The following DMGDH variants were observed in gnomAD, a reference collection of about 807,000 sequenced individuals.
The protein encoded by DMGDH is dimethylglycine dehydrogenase, mitochondrial.
A neutral mutation model predicts 95.2 loss-of-function variants in DMGDH; 76 were observed. That is an observed-to-expected ratio of 0.80 (90% CI 0.66 to 0.97). The LOEUF (loss-of-function observed/expected upper bound fraction) is 0.97, where lower values mean the gene tolerates loss of function less well. Ranked by LOEUF, DMGDH falls within the 50% of genes least tolerant of loss-of-function variation. The pLI, the probability that DMGDH is intolerant of heterozygous loss-of-function variation, is 0.00. For synonymous variants in DMGDH, 345 were observed against 377.6 expected (o/e 0.91, Z 1.00); for missense variants, 987 against 1,055.0 (o/e 0.94, Z 0.89).
chr5:79,024,069 A>C (rs1358168169), intron 14 of DMGDH, among the ~76,000 whole-genome samples: 1 of 152,212 alleles, frequency 6.6e-6, no homozygotes, highest in Non-Finnish European at 1.5e-5. Flanking sequence ...GCTATCTTAA[A>C]TCTGTAAGCA....
intron 10 of DMGDH, 81 bp downstream of exon 10, chr5:79,030,752 T>G: frequency 2.1e-6 from 3 of 1,447,678 alleles, no homozygotes; most frequent in Non-Finnish European, 1.9e-6. Context: ...CAGAAATCAT[T>G]AGGTGAACTA....
At chr5:79,034,860 A>T (rs1410300394) in intron 7 of DMGDH, among the ~76,000 whole-genome samples, 1 of 151,938 alleles carries the variant, frequency 6.6e-6, no homozygotes, top group Non-Finnish European at 1.5e-5. Flanking sequence ...GATCGAGACC[A>T]TCTTGGCTAA....
intron 9 of DMGDH, 62 bp from the exon 10 acceptor site, chr5:79,031,060 A>G (rs1402818589): frequency 6.3e-7 from 1 of 1,579,578 alleles, no homozygotes; most frequent in Non-Finnish European, 8.7e-7. Flanking sequence ...ATTACAGAAT[A>G]CGATATTTTA....
rs369682083 is a variant in DMGDH at position 79,030,916 on chromosome 5, G to A, written c.1600C>T (p.Leu534=). 3.1e-5 allele frequency: 50 copies of A among 1,614,106 alleles called. No homozygotes were observed. Among genetic ancestry groups the A allele is most frequent in the Non-Finnish European group, 3.8e-5 (45 of 1,179,998 alleles). The change falls in exon 10 of 16, where the codon CTA becomes TTA. Residue 534 remains leucine (L), a synonymous_variant. Coordinates refer to ENST00000255189, the MANE Select transcript of DMGDH (RefSeq NM_013391.3). Reference sequence around the variant, plus strand: ...ATGTTAAACTTGCCAAATGGTGATAGGTCAGTTACCGCTACTCTTTGCATA... The same window carrying A: ...ATGTTAAACTTGCCAAATGGTGATAAGTCAGTTACCGCTACTCTTTGCATA... ...QVMQRVAVTD[L]SPFGKFNIKG...
At chr5:79,007,805 T>C (rs1753577547) in intron 14 of DMGDH, among the ~76,000 whole-genome samples, 1 of 152,208 alleles carries the variant, frequency 6.6e-6, no homozygotes, top group Admixed American at 6.5e-5. Flanking sequence ...ATAATTTTCT[T>C]TCAATTATTT....
chr5:79,030,915 A>G lies in DMGDH; in HGVS notation c.1601T>C (p.Leu534Pro), dbSNP rs1754151414. The change falls in exon 10 of 16, where the codon CTA (leucine) becomes CCA (proline). Residue 534 changes from leucine (L) to proline (P), a missense_variant. Coordinates refer to ENST00000255189, the MANE Select transcript of DMGDH (RefSeq NM_013391.3). ...QVMQRVAVTDLSPFGKFNIKG... is the reference protein window; with the variant it reads ...QVMQRVAVTDPSPFGKFNIKG... ...GATGTTAAACTTGCCAAATGGTGAT[A>G]GGTCAGTTACCGCTACTCTTTGCAT... 2 of 1,614,042 alleles carry G rather than the reference A, an allele frequency of 1.2e-6. No homozygotes were observed. The highest frequency in any genetic ancestry group is 1.7e-5 in the Admixed American group (1 of 60,008).
intron 12 of DMGDH, among the ~76,000 whole-genome samples, chr5:79,027,782 T>C (rs754407094): frequency 5.3e-5 from 8 of 151,990 alleles, no homozygotes; most frequent in Non-Finnish European, 1.2e-4. Context: ...CCATCTTGAA[T>C]GTTCACAAAT....
intron 14 of DMGDH, among the ~76,000 whole-genome samples, chr5:79,005,860 T>C (rs542212130): frequency 6.6e-6 from 1 of 152,306 alleles, no homozygotes; most frequent in East Asian, 1.9e-4. Context: ...ATTTTTTTTC[T>C]TTTGCTTCTT....
intron 14 of DMGDH, among the ~76,000 whole-genome samples, chr5:79,023,547 C>T (rs1753918782): frequency 6.6e-6 from 1 of 152,144 alleles, no homozygotes; most frequent in South Asian, 2.1e-4. Context: ...ATTTGTTGGC[C>T]TGACTCCCAG....
intron 14 of DMGDH, chr5:79,020,737 A>G: frequency 1.0e-6 from 1 of 984,132 alleles, no homozygotes; most frequent in South Asian, 4.7e-5. Flanking sequence ...AGAGAGGGGA[A>G]GGAGAGAGAA....
Position 79,051,293 on chromosome 5 carries a change from C to A in DMGDH, c.739G>T (p.Ala247Ser), listed in dbSNP as rs760832702. ...AAAAAAATGATATGCTTACCTGCAG[C>A]ATTCACAATTCTATTTGCTCTCATA... is the stretch of plus-strand genomic sequence containing the variant. The part of the protein sequence containing the change: ...GSMRANRIVN[A>S]AGFWAREVGK... Residue 247 changes from alanine to serine, a missense_variant, in exon 5 of 16, where the codon GCT becomes TCT. Transcript: ENST00000255189. 2 of 1,614,146 alleles carry A rather than the reference C, an allele frequency of 1.2e-6. No individual in the cohort carries two copies. Among genetic ancestry groups the A allele is most frequent in the South Asian group, 2.2e-5 (2 of 91,074 alleles).
At chr5:79,045,215 C>T (rs1161023231) in intron 5 of DMGDH, among the ~76,000 whole-genome samples, 1 of 152,180 alleles carries the variant, frequency 6.6e-6, no homozygotes, top group African/African-American at 2.4e-5. Flanking sequence ...GGCACAAAAG[C>T]ACCAGAAGTC....
In DMGDH at chr5:79,028,492, T is replaced by C; in HGVS notation, c.1973A>G (p.Gln658Arg). The change falls in exon 12 of 16, where the codon CAA becomes CGA. Residue 658 changes from glutamine (Q) to arginine (R), a missense_variant. Gln to Arg is a conservative substitution (Grantham distance 43). Coordinates refer to ENST00000255189, the MANE Select transcript of DMGDH (RefSeq NM_013391.3). ...GTTGGAAACCTTTAAGGACTTGGTT[T>C]GAAGAAACTTGAAAACATCATCACT... ...DLSDDVFKFLQTKSLKVSNIP... is the reference protein window; with the variant it reads ...DLSDDVFKFLRTKSLKVSNIP... 1 of 1,614,172 alleles carries C rather than the reference T, an allele frequency of 6.2e-7. No individual in the cohort carries two copies. The highest frequency in any genetic ancestry group is 8.5e-7 in the Non-Finnish European group (1 of 1,180,024).
intron 14 of DMGDH, chr5:79,021,729 T>C (rs1320746931): frequency 6.2e-6 from 8 of 1,286,984 alleles, no homozygotes; most frequent in African/African-American, 3.0e-5. Flanking sequence ...GTGGGGGAAG[T>C]GTCTATTAAT....
At chr5:79,032,581 T>C in intron 9 of DMGDH, 106 bp downstream of exon 9, 1 of 1,480,496 alleles carries the variant, frequency 6.8e-7, no homozygotes. Context: ...CAGTGCTCCT[T>C]GGAACAGGGT....
chr5:79,037,620 C>T (rs776701560), intron 7 of DMGDH, among the ~76,000 whole-genome samples: 37 of 152,124 alleles, frequency 2.4e-4, no homozygotes, highest in Non-Finnish European at 4.6e-4. Context: ...CCAGAGCAAT[C>T]AGGGGAGGAG....
chr5:79,003,919 CT>C (rs1396908098), intron 15 of DMGDH, among the ~76,000 whole-genome samples: 5 of 150,440 alleles, frequency 3.3e-5, no homozygotes, highest in Non-Finnish European at 7.4e-5. Flanking sequence ...TGCACTCCAG[CT>C]TGGGCAACAG....
chr5:79,024,467 C>A lies in DMGDH; in HGVS notation c.2191-137G>T, dbSNP rs548444795. 7 of 814,510 alleles carry A rather than the reference C, an allele frequency of 8.6e-6. No individual in the cohort carries two copies. In the African/African-American group the frequency reaches 8.6e-5, roughly 10 times the overall value. 50.5% of individuals were successfully genotyped at this position (814,510 alleles called of 1,614,324 possible). A position where few individuals can be genotyped will look rare whatever the true frequency, so the allele number is the denominator to read the frequency against. On this transcript the variant is annotated intron_variant, in intron 13 of 15. Transcript: ENST00000255189. ...TTCTAAAGAAAGGCAAACTATAGACCGGTTTTGAAAACAATTTTTTAATCC... is the reference window on the plus strand; with the variant it reads ...TTCTAAAGAAAGGCAAACTATAGACAGGTTTTGAAAACAATTTTTTAATCC...
chr5:79,031,511 AGTCT>A (rs1308994843), intron 9 of DMGDH, among the ~76,000 whole-genome samples: 1 of 152,242 alleles, frequency 6.6e-6, no homozygotes, highest in Non-Finnish European at 1.5e-5. Flanking sequence ...GGGACCCCAT[AGTCT>A]GCATTCTGCC....
Sources: allele counts gnomAD v4.1 joint callset (sites outside exome capture counted in the v4.1 genomes callset), GRCh38; gene constraint gnomAD v4.1.1; transcripts MANE v1.5; gene names NCBI Gene and HGNC (gene_info 2026-07-23, HGNC 2026-07-21).